Variants in PPARG observed in about 807,000 individuals in gnomAD.
The protein encoded by PPARG is peroxisome proliferator-activated receptor gamma.
In PPARG, 17 loss-of-function variants were observed where a neutral mutation model predicts 39.2. That is an observed-to-expected ratio of 0.43 (90% CI 0.30 to 0.65). PPARG has a LOEUF of 0.65. Ranked by LOEUF, PPARG falls within the 30% of genes least tolerant of loss-of-function variation. The probability of loss-of-function intolerance (pLI) is 0.13; values close to 1 mark genes in which losing one functional copy is unlikely to be tolerated. For missense variants in PPARG, 406 were observed against 585.9 expected (o/e 0.69, Z 3.17); for synonymous variants, 223 against 215.7 (o/e 1.03, Z -0.30).
chr3:12,307,232 T>C (rs898096140), intron 1 of PPARG, among the ~76,000 whole-genome samples: 1 of 150,468 alleles, frequency 6.6e-6, no homozygotes, highest in East Asian at 2.0e-4. Context: ...ATATAGCAAA[T>C]TTTGTCAGTG....
At position 12,414,053 on chromosome 3, in the gene PPARG, G is replaced by A. The variant is rs548947121; in HGVS notation, c.730-2651G>A. Among the ~76,000 whole-genome samples, 3 of 152,248 alleles carry A rather than the reference G, an allele frequency of 2.0e-5. No individual in the cohort carries two copies. The South Asian group carries it at 6.2e-4, about 32-fold the overall frequency. Reference sequence around the variant, plus strand: ...AGCTTTATATGAGGGGACAGGGGAAGTAAAGGGGAAGAGTGACAAGGGTGA... The same window carrying A: ...AGCTTTATATGAGGGGACAGGGGAAATAAAGGGGAAGAGTGACAAGGGTGA... On this transcript the variant is annotated intron_variant, in intron 6 of 7. Transcript: ENST00000651735.
intron 7 of PPARG, among the ~76,000 whole-genome samples, chr3:12,425,907 C>T (rs2051429410): frequency 6.6e-6 from 1 of 152,096 alleles, no homozygotes; most frequent in South Asian, 2.1e-4. Flanking sequence ...TCTGAGAGAC[C>T]CAGAAATGAC....
At chr3:12,367,074 G>A (rs1052071055) in intron 2 of PPARG, among the ~76,000 whole-genome samples, 58 of 152,230 alleles carry the variant, frequency 3.8e-4, no homozygotes, top group African/African-American at 1.4e-3. Flanking sequence ...ATTAATAAAT[G>A]TAGGCCTATT....
intron 2 of PPARG, among the ~76,000 whole-genome samples, chr3:12,345,302 A>G (rs931359432): frequency 6.6e-6 from 1 of 152,248 alleles, no homozygotes; most frequent in Non-Finnish European, 1.5e-5. Context: ...ATCAAATTTT[A>G]ATTACCGAGT....
intron 1 of PPARG, among the ~76,000 whole-genome samples, chr3:12,303,376 T>C (rs2046978638): frequency 6.6e-6 from 1 of 152,116 alleles, no homozygotes; most frequent in African/African-American, 2.4e-5. Flanking sequence ...TTTAAAAGTA[T>C]TTTTAGTAGA....
intron 2 of PPARG, among the ~76,000 whole-genome samples, chr3:12,337,704 G>T (rs907238824): frequency 6.6e-6 from 1 of 152,024 alleles, no homozygotes; most frequent in African/African-American, 2.4e-5. Context: ...TCCCACCCCT[G>T]CCCCCATTCA....
chr3:12,379,108 G>A (rs904334565), intron 2 of PPARG, among the ~76,000 whole-genome samples: 3 of 152,014 alleles, frequency 2.0e-5, no homozygotes, highest in African/African-American at 7.2e-5. Context: ...CCAGGTTCAA[G>A]TGATTCTCCT....
intron 2 of PPARG, among the ~76,000 whole-genome samples, chr3:12,374,679 G>A (rs2049342781): frequency 1.3e-5 from 2 of 152,042 alleles, no homozygotes; most frequent in Admixed American, 1.3e-4. Flanking sequence ...GACTTTAGGT[G>A]GTAATAATGT....
chr3:12,349,511 C>T (rs2048419697), intron 2 of PPARG, among the ~76,000 whole-genome samples: 1 of 152,176 alleles, frequency 6.6e-6, no homozygotes. Flanking sequence ...GTGTAAGCAA[C>T]ATTTACTGAG....
At chr3:12,346,357 T>A (rs1400506385) in intron 2 of PPARG, among the ~76,000 whole-genome samples, 1 of 152,160 alleles carries the variant, frequency 6.6e-6, no homozygotes, top group East Asian at 1.9e-4. Flanking sequence ...GAATTTCCAT[T>A]AAATTTTAAA....
intron 7 of PPARG, among the ~76,000 whole-genome samples, chr3:12,424,982 C>T (rs1225760868): frequency 8.5e-5 from 13 of 152,200 alleles, no homozygotes; most frequent in African/African-American, 2.7e-4. Context: ...TTTGAAGCAG[C>T]GCCACTCAAT....
In PPARG at chr3:12,399,872, C is replaced by T. The variant is rs967139367; in HGVS notation, c.530-6010C>T. Reference sequence around the variant, plus strand: ...GGGCATGGTCATGTGTGCCTGTGGGCCCAGCCACTTGGGAGGCTGAGGCAG... The same window carrying T: ...GGGCATGGTCATGTGTGCCTGTGGGTCCAGCCACTTGGGAGGCTGAGGCAG... On this transcript the variant is annotated intron_variant, in intron 5 of 7. Coordinates refer to ENST00000651735, the MANE Select transcript of PPARG (RefSeq NM_138711.6). Among the ~76,000 whole-genome samples, 3 of 149,982 alleles carry T rather than the reference C, an allele frequency of 2.0e-5. No homozygotes were observed. In the Admixed American group the frequency reaches 2.0e-4, roughly 10 times the overall value.
chr3:12,311,300 C>T (rs1363995670), intron 1 of PPARG, among the ~76,000 whole-genome samples: 2 of 151,966 alleles, frequency 1.3e-5, no homozygotes, highest in African/African-American at 2.4e-5. Flanking sequence ...GACAGGATTT[C>T]GCTGTGGTGC....
intron 1 of PPARG, among the ~76,000 whole-genome samples, chr3:12,294,588 A>G (rs1302792009): frequency 6.6e-6 from 1 of 152,220 alleles, no homozygotes; most frequent in African/African-American, 2.4e-5. Flanking sequence ...TGGCAGATCC[A>G]CAGATCATAA....
At chr3:12,379,959 C>A in intron 3 of PPARG, 28 bp downstream of exon 3, 1 of 1,533,234 alleles carries the variant, frequency 6.5e-7, no homozygotes, top group Non-Finnish European at 9.0e-7. Flanking sequence ...ACTTTTCAGA[C>A]TACTAGGACT....
At chr3:12,416,682 G>A (rs752476057) in intron 6 of PPARG, 22 bp from the exon 7 acceptor site, 11 of 1,605,374 alleles carry the variant, frequency 6.9e-6, no homozygotes, top group Admixed American at 5.1e-5. Flanking sequence ...AGTCATCCAC[G>A]TTTTCCCTGT....
chr3:12,359,702 T>TA (rs1381823321), intron 2 of PPARG, among the ~76,000 whole-genome samples: 3 of 133,408 alleles, frequency 2.2e-5, no homozygotes, highest in Non-Finnish European at 4.8e-5. Flanking sequence ...TGAGACAGAG[T>TA]CTCACTCTGT....
chr3:12,330,350 T>C (rs1025395285), intron 2 of PPARG, among the ~76,000 whole-genome samples: 4 of 151,316 alleles, frequency 2.6e-5, no homozygotes, highest in Non-Finnish European at 1.5e-5. Flanking sequence ...TCAAGTGTTA[T>C]CTCATTGTGG....
chr3:12,342,455 A>C (rs971450096), intron 2 of PPARG, among the ~76,000 whole-genome samples: 7 of 152,208 alleles, frequency 4.6e-5, no homozygotes, highest in African/African-American at 7.2e-5. Context: ...TCAGCTGGGG[A>C]AATGTGACTA....
Sources: allele counts gnomAD v4.1 joint callset (sites outside exome capture counted in the v4.1 genomes callset), GRCh38; gene constraint gnomAD v4.1.1; transcripts MANE v1.5; gene names NCBI Gene and HGNC (gene_info 2026-07-23, HGNC 2026-07-21).